Variants in USH2A observed in about 807,000 individuals in gnomAD.
USH2A encodes the protein Usher syndrome 2A (autosomal recessive, mild).
In USH2A, 443 loss-of-function variants were observed where a neutral mutation model predicts 538.9. The ratio of observed to expected loss-of-function variants is 0.82; its 90% CI spans 0.76 to 0.89. The LOEUF is 0.89. USH2A is among the 40% of genes least tolerant of loss of function. The pLI is 0.00. For missense variants in USH2A, 6,633 were observed against 6,324.8 expected (o/e 1.05, Z -1.65); for synonymous variants, 2,413 against 2,273.5 (o/e 1.06, Z -1.75).
At chr1:215,663,756 G>A (rs185477763) in intron 64 of USH2A, among the ~76,000 whole-genome samples, 1 of 152,194 alleles carries the variant, frequency 6.6e-6, no homozygotes, top group Non-Finnish European at 1.5e-5. Context: ...AATCATTATT[G>A]TTATATGGGC....
intron 32 of USH2A, among the ~76,000 whole-genome samples, chr1:216,026,402 G>A (rs1216153371): frequency 6.6e-6 from 1 of 152,060 alleles, no homozygotes; most frequent in Non-Finnish European, 1.5e-5. Flanking sequence ...TTGTGCTTAT[G>A]AGCTTTGCAA....
chr1:215,985,395 C>A (rs1667848468), intron 35 of USH2A, among the ~76,000 whole-genome samples: 1 of 152,084 alleles, frequency 6.6e-6, no homozygotes, highest in African/African-American at 2.4e-5. Flanking sequence ...AAAGTAGAGG[C>A]AGATAATATA....
At chr1:216,385,389 G>C (rs1325040964) in intron 3 of USH2A, among the ~76,000 whole-genome samples, 2 of 152,050 alleles carry the variant, frequency 1.3e-5, no homozygotes, top group African/African-American at 4.8e-5. Flanking sequence ...AACTACTATA[G>C]AATAAAAACA....
intron 3 of USH2A, among the ~76,000 whole-genome samples, chr1:216,372,837 A>G (rs1558059381): frequency 6.6e-6 from 1 of 152,150 alleles, no homozygotes; most frequent in Non-Finnish European, 1.5e-5. Context: ...TCACAATATT[A>G]GATACTCTTA....
intron 11 of USH2A, among the ~76,000 whole-genome samples, chr1:216,286,864 G>T (rs1229258840): frequency 6.6e-6 from 1 of 152,086 alleles, no homozygotes; most frequent in Non-Finnish European, 1.5e-5. Context: ...TTAGAATGGG[G>T]TAAACTTTAA....
chr1:216,206,624 A>G (rs1407017374), intron 16 of USH2A, among the ~76,000 whole-genome samples: 2 of 151,348 alleles, frequency 1.3e-5, no homozygotes, highest in East Asian at 3.9e-4. Flanking sequence ...GGGATTGGGG[A>G]CCCCTGCCTT....
chr1:215,741,689 G>T (rs917145967), intron 59 of USH2A, 152 bp from the exon 60 acceptor site: 4 of 875,324 alleles, frequency 4.6e-6, no homozygotes, highest in African/African-American at 3.4e-5. Flanking sequence ...ATTTTTATGG[G>T]ATTTGAACAT....
intron 61 of USH2A, among the ~76,000 whole-genome samples, chr1:215,725,090 G>C (rs1659772165): frequency 6.6e-6 from 1 of 152,098 alleles, no homozygotes; most frequent in African/African-American, 2.4e-5. Context: ...TTGGAGTGTG[G>C]TGGCATGATC....
chr1:216,349,336 A>G (rs1274447059), intron 4 of USH2A, among the ~76,000 whole-genome samples: 1 of 152,014 alleles, frequency 6.6e-6, no homozygotes, highest in African/African-American at 2.4e-5. Flanking sequence ...GGAGGGGGTA[A>G]TTGTCAGGGG....
chr1:215,851,239 A>C (rs985114794), intron 44 of USH2A, among the ~76,000 whole-genome samples: 1 of 152,204 alleles, frequency 6.6e-6, no homozygotes, highest in Admixed American at 6.5e-5. Context: ...AAAACAATAC[A>C]AAAGATAAAT....
intron 60 of USH2A, among the ~76,000 whole-genome samples, chr1:215,733,240 C>T (rs1200010252): frequency 1.3e-5 from 2 of 151,934 alleles, no homozygotes; most frequent in African/African-American, 2.4e-5. Context: ...TTTAAACAAC[C>T]AGATCTCCCA....
At chr1:216,207,505 C>T in intron 15 of USH2A, 74 bp from the exon 16 acceptor site, 2 of 1,571,568 alleles carry the variant, frequency 1.3e-6, no homozygotes, top group Non-Finnish European at 1.7e-6. Flanking sequence ...GTAAGATATC[C>T]AGCAAAGAGG....
chr1:216,189,713 C>T (rs113882686), intron 20 of USH2A, among the ~76,000 whole-genome samples: 1,811 of 151,850 alleles, frequency 0.012, 30 homozygotes, highest in African/African-American at 0.041. Context: ...TAACACCAGG[C>T]CACACAGTAA....
At chr1:215,985,190 T>A (rs1667843687) in intron 35 of USH2A, among the ~76,000 whole-genome samples, 1 of 152,306 alleles carries the variant, frequency 6.6e-6, no homozygotes, top group Non-Finnish European at 1.5e-5. Flanking sequence ...AAAAATAAAG[T>A]TATTTTAAAA....
chr1:215,878,835 CACAG>C lies in USH2A; in HGVS notation c.8483_8486del (p.Ser2828Ter), dbSNP rs1199684717. The C allele has an allele frequency of 6.2e-7, 1 of 1,614,004 alleles. No individual in the cohort carries two copies. Among genetic ancestry groups the C allele is most frequent in the Non-Finnish European group, 8.5e-7 (1 of 1,179,954 alleles). On this transcript the variant is annotated frameshift_variant, in exon 42 of 72. Transcript: ENST00000307340. LOFTEE classifies it high-confidence loss of function. ...CAACATATGATTCACTTAGTGGAATCACAGACAATGGGCCAACATTCTGAGGTAC... is the reference window on the plus strand; with the variant it reads ...CAACATATGATTCACTTAGTGGAATCACAATGGGCCAACATTCTGAGGTAC...
intron 63 of USH2A, among the ~76,000 whole-genome samples, chr1:215,672,026 C>T (rs1054768835): frequency 6.6e-6 from 1 of 152,210 alleles, no homozygotes; most frequent in East Asian, 1.9e-4. Flanking sequence ...GACACCTTAT[C>T]ACCATCCAGT....
In USH2A at chr1:215,741,486, G is replaced by A. The variant is rs1571639399; in HGVS notation, c.11600C>T (p.Pro3867Leu). 6.2e-7 allele frequency: 1 copy of A among 1,613,688 alleles called. No homozygotes were observed. Among genetic ancestry groups the A allele is most frequent in the Non-Finnish European group, 8.5e-7 (1 of 1,179,916 alleles). The part of the protein sequence containing the change: ...RMFVKTPEAA[P>L]MDLNSPVLKA... The stretch of plus-strand genomic sequence containing the variant: ...AAGAACAGGAGAATTAAGATCCATT[G>A]GGGCTGCTTCAGGTGTTTTGACAAA... The change falls in exon 60 of 72, where the codon CCA becomes CTA. Residue 3867 changes from proline (P) to leucine (L), a missense_variant. Physicochemically the swap from Pro to Leu is moderately conservative, Grantham distance 98 (BLOSUM62 -3). Transcript: ENST00000307340.
chr1:216,067,294 A>G (rs1000390002), intron 30 of USH2A, among the ~76,000 whole-genome samples: 6 of 152,138 alleles, frequency 3.9e-5, no homozygotes, highest in Non-Finnish European at 7.4e-5. Flanking sequence ...GAGAGATAGC[A>G]TTAGGAGAAA....
Position 215,710,678 on chromosome 1 carries a change from AT to A in USH2A, c.12066+17351del, listed in dbSNP as rs77411585. Among the ~76,000 whole-genome samples, 67 of 152,268 alleles carry A rather than the reference AT, an allele frequency of 4.4e-4. No individual in the cohort carries two copies. The East Asian group carries it at 0.012, about 27-fold the overall frequency. The stretch of plus-strand genomic sequence containing the variant: ...AAAAGCATCATTTCCGTTCAGAAAC[AT>A]TTACAGCTGAAACAAATATTGACTT... On this transcript the variant is annotated intron_variant, in intron 61 of 71. Coordinates refer to ENST00000307340, the MANE Select transcript of USH2A (RefSeq NM_206933.4).
Sources: gnomAD v4.1 joint callset for allele counts (sites outside exome capture counted in the v4.1 genomes callset) on GRCh38, gnomAD v4.1.1 for gene constraint, MANE v1.5 for transcripts, NCBI Gene and HGNC (gene_info 2026-07-23, HGNC 2026-07-21) for gene names.